The following CHID1 variants were observed in gnomAD, a reference collection of about 807,000 sequenced individuals.
CHID1 encodes the protein chitinase domain containing 1.
CHID1 carries 44 observed loss-of-function variants against 55.4 expected under a neutral mutation model. That is an observed-to-expected ratio of 0.79 (90% CI 0.62 to 1.02). CHID1 has a LOEUF of 1.02. Among genes scored for constraint, CHID1 ranks in the 50% least tolerant of loss-of-function variants. The probability of loss-of-function intolerance (pLI) is 0.00; values close to 1 mark genes in which losing one functional copy is unlikely to be tolerated. For missense variants in CHID1, 491 were observed against 515.3 expected (o/e 0.95, Z 0.46); for synonymous variants, 216 against 212.9 (o/e 1.01, Z -0.13).
intron 1 of CHID1, among the ~76,000 whole-genome samples, chr11:907,248 G>A (rs181584628): frequency 1.8e-4 from 27 of 152,276 alleles, no homozygotes; most frequent in African/African-American, 2.9e-4. Context: ...TTGGGAGGCC[G>A]AAGCGGGCAG....
intron 8 of CHID1, among the ~76,000 whole-genome samples, chr11:886,126 G>C (rs1413011874): frequency 6.9e-6 from 1 of 145,148 alleles, no homozygotes; most frequent in Non-Finnish European, 1.5e-5. Flanking sequence ...ACTCCAGCCT[G>C]GGCGACAAAG....
intron 1 of CHID1, among the ~76,000 whole-genome samples, chr11:909,751 T>C (rs1194843910): frequency 6.6e-6 from 1 of 152,218 alleles, no homozygotes; most frequent in Non-Finnish European, 1.5e-5. Context: ...CCTGTGATCC[T>C]AGCACTTTGG....
chr11:870,631 G>A (rs1475972359), intron 10 of CHID1, 132 bp from the exon 11 acceptor site: 3 of 655,640 alleles, frequency 4.6e-6, no homozygotes, highest in Non-Finnish European at 2.7e-6. Flanking sequence ...TGGTCTGGGG[G>A]ACAACACCTG....
At chr11:893,066 C>A (rs926773921) in intron 8 of CHID1, among the ~76,000 whole-genome samples, 3 of 152,172 alleles carry the variant, frequency 2.0e-5, no homozygotes, top group Non-Finnish European at 4.4e-5. Flanking sequence ...GAGTGGCAGG[C>A]CGGGAAGCCC....
At position 893,358 on chromosome 11, in the gene CHID1, C is replaced by A. The variant is rs1056674287; in HGVS notation, c.701+69G>T. Reference sequence around the variant, plus strand: ...GAGGGCCTGGGCCCTTTGGCCGACACCCTGCACTGGCTGCCCCCGACCCCA... The same window carrying A: ...GAGGGCCTGGGCCCTTTGGCCGACAACCTGCACTGGCTGCCCCCGACCCCA... On this transcript the variant is annotated intron_variant, in intron 8 of 12. Transcript: ENST00000323578. 1.9e-5 allele frequency: 25 copies of A among 1,342,978 alleles called. No homozygotes were observed. In the African/African-American group the frequency reaches 3.5e-4, roughly 19 times the overall value. The allele number at this position is 1,342,978 out of a possible 1,614,324, so 83.2% of individuals were successfully genotyped here. A position where few individuals can be genotyped will look rare whatever the true frequency, so the allele number is the denominator to read the frequency against.
At chr11:885,448 C>G (rs1364172834) in intron 8 of CHID1, among the ~76,000 whole-genome samples, 1 of 152,162 alleles carries the variant, frequency 6.6e-6, no homozygotes, top group Non-Finnish European at 1.5e-5. Context: ...CCTGCAGGTA[C>G]GTGGAGCATC....
intron 10 of CHID1, among the ~76,000 whole-genome samples, chr11:878,129 C>T (rs112099700): frequency 6.6e-6 from 1 of 152,326 alleles, no homozygotes; most frequent in African/African-American, 2.4e-5. Context: ...GAAATAAACT[C>T]CTGTCTGGGT....
At chr11:881,102 T>C (rs1360629704) in intron 10 of CHID1, among the ~76,000 whole-genome samples, 1 of 151,994 alleles carries the variant, frequency 6.6e-6, no homozygotes, top group Non-Finnish European at 1.5e-5. Flanking sequence ...AAAAGTTTAG[T>C]AGAGACATGG....
At chr11:893,558 C>T in intron 7 of CHID1, 39 bp from the exon 8 acceptor site, 6 of 1,470,012 alleles carry the variant, frequency 4.1e-6, no homozygotes, top group East Asian at 2.5e-5. Flanking sequence ...GTGCCTGGCA[C>T]TGAGGCCTCT....
intron 4 of CHID1, among the ~76,000 whole-genome samples, chr11:901,827 C>T (rs1046397646): frequency 2.6e-5 from 4 of 152,180 alleles, no homozygotes; most frequent in African/African-American, 9.7e-5. Flanking sequence ...ACCAGGCCTG[C>T]CCTGCTCCAC....
chr11:892,143 C>T (rs1022323464), intron 8 of CHID1, among the ~76,000 whole-genome samples: 5 of 152,088 alleles, frequency 3.3e-5, no homozygotes, highest in Admixed American at 6.5e-5. Flanking sequence ...AAGAAAAAGA[C>T]GCAGCGTGGG....
Position 870,144 on chromosome 11 carries a change from C to A in CHID1, c.1060G>T (p.Val354Phe), listed in dbSNP as rs748714060. The change falls in exon 12 of 13, where the codon GTC becomes TTC. Residue 354 changes from valine (V) to phenylalanine (F), a missense_variant. Coordinates refer to ENST00000323578, the MANE Select transcript of CHID1 (RefSeq NM_023947.4). ...ACCTTCAGGGTTGGGTAGAAGACGACGTGCCTCCCACTGCGGCTCCTGCAA... is the reference window on the plus strand; with the variant it reads ...ACCTTCAGGGTTGGGTAGAAGACGAAGTGCCTCCCACTGCGGCTCCTGCAA... Reference protein sequence around the residue: ...EYKKSRSGRHVVFYPTLKSLQ... With the variant: ...EYKKSRSGRHFVFYPTLKSLQ... The A allele has an allele frequency of 1.2e-6, 2 of 1,612,956 alleles. No homozygotes were observed. Among genetic ancestry groups the A allele is most frequent in the Non-Finnish European group, 1.7e-6 (2 of 1,179,976 alleles).
In CHID1 at chr11:883,247, G is replaced by C. The variant is rs757197761; in HGVS notation, c.860C>G (p.Pro287Arg). Residue 287 changes from proline to arginine, a missense_variant, in exon 10 of 13, where the codon CCG (proline) becomes CGG (arginine). By Grantham distance (103) the Pro-to-Arg change is moderately radical. Coordinates refer to ENST00000323578, the MANE Select transcript of CHID1 (RefSeq NM_023947.4). Reference sequence around the variant, plus strand: ...GATTTTGCTTCGCCACTTGGACTTCGGGTCCAGGACCTGGACGCAGGCTCG... The same window carrying C: ...GATTTTGCTTCGCCACTTGGACTTCCGGTCCAGGACCTGGACGCAGGCTCG... ...WVRACVQVLD[P>R]KSKWRSKILL... 6.2e-7 allele frequency: 1 copy of C among 1,613,982 alleles called. No homozygotes were observed. The highest frequency in any genetic ancestry group is 2.2e-5 in the East Asian group (1 of 44,894).
At chr11:906,666 G>A (rs1194929394) in intron 1 of CHID1, among the ~76,000 whole-genome samples, 6 of 152,330 alleles carry the variant, frequency 3.9e-5, no homozygotes, top group Middle Eastern at 3.4e-3. Flanking sequence ...CAGTCCCACA[G>A]AGAAAGCATG....
chr11:893,622 C>T, intron 7 of CHID1, 103 bp from the exon 8 acceptor site: 1 of 868,530 alleles, frequency 1.2e-6, no homozygotes, highest in Non-Finnish European at 1.8e-6. Context: ...TGGTCCCCAG[C>T]CTGACACCCT....
intron 4 of CHID1, 49 bp from the exon 5 acceptor site, chr11:901,029 G>C (rs1203403461): frequency 3.9e-6 from 6 of 1,537,674 alleles, no homozygotes; most frequent in South Asian, 2.4e-5. Context: ...CGCCCAACTG[G>C]AAGACCCAGC....
At chr11:889,142 C>A (rs1018875328) in intron 8 of CHID1, among the ~76,000 whole-genome samples, 5 of 152,190 alleles carry the variant, frequency 3.3e-5, no homozygotes, top group African/African-American at 1.2e-4. Flanking sequence ...GAGGCCGGGG[C>A]GGCTGCGGCC....
chr11:906,616 C>T (rs895044896), intron 1 of CHID1, among the ~76,000 whole-genome samples: 7 of 152,092 alleles, frequency 4.6e-5, no homozygotes, highest in Non-Finnish European at 1.0e-4. Context: ...TCGTGGTGTG[C>T]CGGTCAATGA....
rs1234789730 is a variant in CHID1, at chr11:910,551, GCTCACCCTCGCTCTCATAGCAACCCTCT to G, written c.-44+196_-44+223del. On this transcript the variant is annotated intron_variant, in intron 1 of 12. Transcript: ENST00000323578. ...ACACTCGCCCTCCACCCCCGCTCTC[GCTCACCCTCGCTCTCATAGCAACCCTCT>G]CTCACCCTCGTCCTCACACCCTCTC... 1.2e-5 allele frequency: 12 copies of G among 980,594 alleles called. No individual in the cohort carries two copies. In the East Asian group the frequency reaches 5.8e-4, roughly 47 times the overall value. 60.7% of individuals were successfully genotyped at this position (980,594 alleles called of 1,614,324 possible).
Sources: gnomAD v4.1 joint callset for allele counts (sites outside exome capture counted in the v4.1 genomes callset) on GRCh38, gnomAD v4.1.1 for gene constraint, MANE v1.5 for transcripts, NCBI Gene and HGNC (gene_info 2026-07-23, HGNC 2026-07-21) for gene names.